Variants in CERS6 observed in about 807,000 individuals in gnomAD.
CERS6 encodes the protein ceramide synthase 6.
In CERS6, 26 loss-of-function variants were observed where a neutral mutation model predicts 56.8. That is an observed-to-expected ratio of 0.46 (90% CI 0.34 to 0.63). The LOEUF is 0.63. Among genes scored for constraint, CERS6 ranks in the 30% least tolerant of loss-of-function variants. The pLI is 0.01. For synonymous variants in CERS6, 164 were observed against 173.3 expected (o/e 0.95, Z 0.42); for missense variants, 415 against 467.5 (o/e 0.89, Z 1.04).
intron 1 of CERS6, among the ~76,000 whole-genome samples, chr2:168,516,197 A>G (rs139030327): frequency 1.5e-3 from 234 of 152,306 alleles, no homozygotes; most frequent in Non-Finnish European, 2.7e-3. Context: ...CTAAGATGTC[A>G]TAACATCTTC....
At chr2:168,645,373 A>C (rs1368496448) in intron 4 of CERS6, among the ~76,000 whole-genome samples, 3 of 151,066 alleles carry the variant, frequency 2.0e-5, no homozygotes, top group Non-Finnish European at 4.4e-5. Flanking sequence ...TCTCTAACTT[A>C]GCAGGAGAGG....
At chr2:168,669,054 A>G (rs1343053409) in intron 4 of CERS6, among the ~76,000 whole-genome samples, 1 of 152,168 alleles carries the variant, frequency 6.6e-6, no homozygotes. Context: ...GGAACACCTA[A>G]CAGTCAATCA....
At chr2:168,525,393 A>G (rs971933918) in intron 1 of CERS6, among the ~76,000 whole-genome samples, 5 of 152,194 alleles carry the variant, frequency 3.3e-5, no homozygotes, top group Non-Finnish European at 5.9e-5. Flanking sequence ...CAGCATCTCA[A>G]ACTGCATTGT....
chr2:168,671,527 C>G (rs1685917094), intron 4 of CERS6, among the ~76,000 whole-genome samples: 1 of 152,132 alleles, frequency 6.6e-6, no homozygotes, highest in Admixed American at 6.5e-5. Flanking sequence ...TGGGTGTCCT[C>G]TTAGTTTTTC....
chr2:168,746,521 C>A (rs763118294), intron 8 of CERS6, among the ~76,000 whole-genome samples: 1 of 151,852 alleles, frequency 6.6e-6, no homozygotes, highest in East Asian at 2.0e-4. Context: ...CATGATGAGA[C>A]TCTACTGATG....
intron 1 of CERS6, among the ~76,000 whole-genome samples, chr2:168,536,568 A>C (rs1695268336): frequency 2.0e-5 from 3 of 152,320 alleles, no homozygotes; most frequent in Non-Finnish European, 2.9e-5. Flanking sequence ...TACACAACAA[A>C]ATTTATAAAA....
At chr2:168,676,039 A>G (rs1273435851) in intron 4 of CERS6, among the ~76,000 whole-genome samples, 2 of 152,138 alleles carry the variant, frequency 1.3e-5, no homozygotes, top group East Asian at 3.8e-4. Context: ...TCTTCTTAAT[A>G]TATGGTTTAG....
At chr2:168,506,371 A>G (rs958176899) in intron 1 of CERS6, among the ~76,000 whole-genome samples, 1 of 152,126 alleles carries the variant, frequency 6.6e-6, no homozygotes, top group Admixed American at 6.6e-5. Flanking sequence ...CAGCTCTGTA[A>G]TCACTTCCTC....
chr2:168,539,156 G>A (rs1302946278), intron 1 of CERS6, among the ~76,000 whole-genome samples: 260 of 5,074 alleles, frequency 0.051, 112 homozygotes, highest in African/African-American at 0.054. Flanking sequence ...TAGTAGAGAC[G>A]GGGTCTCACC....
rs141259915 is a variant in CERS6 at position 168,701,716 on chromosome 2, A to G, written c.609+6665A>G. Among the ~76,000 whole-genome samples, 396 of 152,168 alleles carry G rather than the reference A, an allele frequency of 2.6e-3. 1 individual carries two copies. Among genetic ancestry groups the G allele is most frequent in the African/African-American group, 8.9e-3 (371 of 41,526 alleles). On this transcript the variant is annotated intron_variant, in intron 6 of 9. Coordinates refer to ENST00000305747, the MANE Select transcript of CERS6 (RefSeq NM_203463.3). ...GCTCAAGTCTTTTATATAAAATGGT[A>G]TAGTATTTGGCCAGTTGCGGTACTC...
chr2:168,684,742 A>G (rs935713836), intron 4 of CERS6, among the ~76,000 whole-genome samples: 2 of 152,192 alleles, frequency 1.3e-5, no homozygotes, highest in African/African-American at 2.4e-5. Flanking sequence ...ATTAATAACA[A>G]TGGGGAAACA....
intron 2 of CERS6, among the ~76,000 whole-genome samples, chr2:168,550,972 A>G (rs1317894965): frequency 6.6e-6 from 1 of 152,206 alleles, no homozygotes; most frequent in Non-Finnish European, 1.5e-5. Flanking sequence ...GGGCAACCAC[A>G]CACACATTTG....
chr2:168,555,036 T>A (rs1164275663), intron 2 of CERS6, among the ~76,000 whole-genome samples: 1 of 152,028 alleles, frequency 6.6e-6, no homozygotes, highest in Non-Finnish European at 1.5e-5. Context: ...TAAAATAGAA[T>A]ATAGAAATTC....
intron 6 of CERS6, among the ~76,000 whole-genome samples, chr2:168,704,887 C>T (rs1686899931): frequency 6.6e-6 from 1 of 152,144 alleles, no homozygotes; most frequent in Non-Finnish European, 1.5e-5. Flanking sequence ...CGTGAGCCTC[C>T]GCACCCGGCC....
chr2:168,517,548 A>G (rs2105354259), intron 1 of CERS6, among the ~76,000 whole-genome samples: 1 of 151,808 alleles, frequency 6.6e-6, no homozygotes, highest in Admixed American at 6.6e-5. Context: ...ACATTAAAAA[A>G]AAAGTAAAAA....
chr2:168,706,619 G>T (rs1048602140), intron 6 of CERS6, among the ~76,000 whole-genome samples: 1 of 152,154 alleles, frequency 6.6e-6, no homozygotes, highest in Non-Finnish European at 1.5e-5. Context: ...AATTTTGATG[G>T]TTCTCTTTCT....
At chr2:168,602,549 T>G (rs1035228388) in intron 3 of CERS6, among the ~76,000 whole-genome samples, 1 of 152,196 alleles carries the variant, frequency 6.6e-6, no homozygotes, top group East Asian at 1.9e-4. Context: ...AATTATGCAG[T>G]GTTAGTATTC....
chr2:168,728,137 C>T (rs1440488647), intron 8 of CERS6, among the ~76,000 whole-genome samples: 1 of 152,060 alleles, frequency 6.6e-6, no homozygotes, highest in African/African-American at 2.4e-5. Context: ...TTAATATTGT[C>T]TTTGGCTGCT....
chr2:168,604,751 C>G (rs1684013757), intron 3 of CERS6, among the ~76,000 whole-genome samples: 1 of 152,164 alleles, frequency 6.6e-6, no homozygotes, highest in Non-Finnish European at 1.5e-5. Flanking sequence ...TCCCCTTTGC[C>G]TTCTGCCATG....
Sources: gnomAD v4.1 joint callset for allele counts (sites outside exome capture counted in the v4.1 genomes callset) on GRCh38, gnomAD v4.1.1 for gene constraint, MANE v1.5 for transcripts, NCBI Gene and HGNC (gene_info 2026-07-23, HGNC 2026-07-21) for gene names.